Variants in CDKAL1 observed in about 807,000 individuals in gnomAD.
CDKAL1 encodes the protein CDKAL1 threonylcarbamoyladenosine tRNA methylthiotransferase.
Under a neutral mutation model 68.2 loss-of-function variants are expected in CDKAL1, and 32 were observed. The observed-to-expected ratio is 0.47, with a 90% confidence interval of 0.35 to 0.63. The LOEUF is 0.63. Among genes scored for constraint, CDKAL1 ranks in the 30% least tolerant of loss-of-function variants. The pLI is 0.00. For synonymous variants in CDKAL1, 234 were observed against 244.3 expected, an observed-to-expected ratio of 0.96 and a Z score of 0.39; for missense variants, 606 against 696.7, an observed-to-expected ratio of 0.87 and a Z score of 1.47.
chr6:20,800,821 C>T (rs997633656), intron 8 of CDKAL1: 4 of 152,490 alleles, frequency 2.6e-5, no homozygotes, highest in African/African-American at 9.6e-5. Flanking sequence ...GCTATGTTGC[C>T]CAGCTTGGTC....
chr6:21,007,083 A>G (rs1350017503), intron 11 of CDKAL1, among the ~76,000 whole-genome samples: 2 of 152,134 alleles, frequency 1.3e-5, no homozygotes, highest in Non-Finnish European at 2.9e-5. Flanking sequence ...AGCAAAGTAC[A>G]TAGGGTTAGT....
chr6:20,616,841 A>ACC (rs1257478311), intron 4 of CDKAL1, among the ~76,000 whole-genome samples: 1 of 129,778 alleles, frequency 7.7e-6, no homozygotes, highest in Non-Finnish European at 1.6e-5. Context: ...CGACTCTACC[A>ACC]CACACACACA....
chr6:20,676,463 C>T (rs1019700959), intron 5 of CDKAL1, among the ~76,000 whole-genome samples: 4 of 151,948 alleles, frequency 2.6e-5, no homozygotes, highest in Non-Finnish European at 4.4e-5. Flanking sequence ...GTCAGGAGAT[C>T]GAGACCATCC....
intron 9 of CDKAL1, among the ~76,000 whole-genome samples, chr6:20,864,441 C>T (rs1334304219): frequency 6.6e-6 from 1 of 152,060 alleles, no homozygotes; most frequent in Non-Finnish European, 1.5e-5. Context: ...AAACATTTGT[C>T]AAGTGCCTAT....
At chr6:20,913,535 C>A (rs955839357) in intron 9 of CDKAL1, among the ~76,000 whole-genome samples, 4 of 152,210 alleles carry the variant, frequency 2.6e-5, no homozygotes, top group Non-Finnish European at 1.5e-5. Context: ...GTGGAAAACA[C>A]ACCCCACTTC....
Position 20,927,479 on chromosome 6 carries a change from T to C in CDKAL1, c.743-27940T>C, listed in dbSNP as rs149945418. Among the ~76,000 whole-genome samples the C allele has an allele frequency of 3.0e-3, 457 of 152,352 alleles. 2 individuals are homozygous for C. Among genetic ancestry groups the C allele is most frequent in the African/African-American group, 0.01 (431 of 41,588 alleles). The stretch of plus-strand genomic sequence containing the variant: ...CAAAACCGTTTACAGTTGTATTGCC[T>C]ATTAATAATGCAATAGGAGTACACC... On this transcript the variant is annotated intron_variant, in intron 9 of 15. Transcript: ENST00000274695.
rs1248854442 is a variant in CDKAL1 at position 20,992,201 on chromosome 6, T to C, written c.910-8026T>C. Among the ~76,000 whole-genome samples the C allele has an allele frequency of 2.1e-5, 3 of 142,466 alleles. 1 individual carries two copies. Among genetic ancestry groups the C allele is most frequent in the African/African-American group, 8.3e-5 (3 of 36,194 alleles). 93.5% of individuals were successfully genotyped at this position (142,466 alleles called of 152,430 possible). A position where few individuals can be genotyped will look rare whatever the true frequency, so the allele number is the denominator to read the frequency against. ...CGTGACCATAGTCAGCTTTTTTATA[T>C]ATATATATATGTATTTTGTATTATA... is the stretch of plus-strand genomic sequence containing the variant. On this transcript the variant is annotated intron_variant, in intron 10 of 15. Transcript: ENST00000274695.
chr6:20,671,753 G>T (rs1383196457), intron 5 of CDKAL1, among the ~76,000 whole-genome samples: 1 of 151,568 alleles, frequency 6.6e-6, no homozygotes, highest in South Asian at 2.1e-4. Context: ...TTAGTGATGG[G>T]GTCTCGTTAT....
intron 10 of CDKAL1, among the ~76,000 whole-genome samples, chr6:20,963,334 T>G (rs1765148600): frequency 6.6e-6 from 1 of 151,868 alleles, no homozygotes; most frequent in African/African-American, 2.4e-5. Flanking sequence ...CTTGCATCTC[T>G]GCCCATACCT....
chr6:20,766,014 A>T (rs1774687449), intron 7 of CDKAL1, among the ~76,000 whole-genome samples: 1 of 152,206 alleles, frequency 6.6e-6, no homozygotes, highest in Non-Finnish European at 1.5e-5. Flanking sequence ...ACATTTATCA[A>T]GTATTTTTAG....
At chr6:20,860,931 C>CTTTT (rs1354222916) in intron 9 of CDKAL1, among the ~76,000 whole-genome samples, 1 of 94,284 alleles carries the variant, frequency 1.1e-5, no homozygotes, top group African/African-American at 3.9e-5. Context: ...GTAGTGTGGT[C>CTTTT]TATTTTTTTT....
chr6:20,674,628 A>G (rs1381540140), intron 5 of CDKAL1, among the ~76,000 whole-genome samples: 5 of 152,152 alleles, frequency 3.3e-5, no homozygotes, highest in Admixed American at 6.5e-5. Flanking sequence ...AAAATATACA[A>G]TAGATTAGTG....
intron 9 of CDKAL1, among the ~76,000 whole-genome samples, chr6:20,875,857 G>A (rs1760486957): frequency 6.6e-6 from 1 of 152,098 alleles, no homozygotes; most frequent in African/African-American, 2.4e-5. Flanking sequence ...TCCTGACTCT[G>A]TGTGTGATTT....
chr6:20,727,872 G>A (rs78364396), intron 5 of CDKAL1, among the ~76,000 whole-genome samples: 2,266 of 152,256 alleles, frequency 0.015, 63 homozygotes, highest in African/African-American at 0.051. Context: ...CCTGCAATGA[G>A]TTCTGTCCTA....
intron 9 of CDKAL1, among the ~76,000 whole-genome samples, chr6:20,855,271 C>T (rs1420834953): frequency 6.6e-6 from 1 of 151,560 alleles, no homozygotes; most frequent in Non-Finnish European, 1.5e-5. Context: ...GGCGAAAACC[C>T]ATCTCTACTA....
At chr6:21,129,085 A>T (rs1775157808) in intron 13 of CDKAL1, among the ~76,000 whole-genome samples, 1 of 152,250 alleles carries the variant, frequency 6.6e-6, no homozygotes, top group Non-Finnish European at 1.5e-5. Flanking sequence ...TATTATAAGG[A>T]TTAAACAAGA....
At chr6:20,912,358 T>C (rs1270406574) in intron 9 of CDKAL1, among the ~76,000 whole-genome samples, 1 of 152,144 alleles carries the variant, frequency 6.6e-6, no homozygotes, top group Non-Finnish European at 1.5e-5. Context: ...GCCAAGACTC[T>C]CTTGAAATGA....
At chr6:20,995,320 C>T (rs1473609110) in intron 10 of CDKAL1, among the ~76,000 whole-genome samples, 3 of 152,166 alleles carry the variant, frequency 2.0e-5, no homozygotes, top group African/African-American at 4.8e-5. Flanking sequence ...TCTGGAATGA[C>T]GAGTCCTTTC....
intron 5 of CDKAL1, among the ~76,000 whole-genome samples, chr6:20,666,639 G>A (rs1208222421): frequency 2.6e-5 from 4 of 151,368 alleles, no homozygotes; most frequent in South Asian, 2.1e-4. Context: ...AGATTTGCCC[G>A]GCTGAGAAGC....
Sources: allele counts gnomAD v4.1 joint callset (sites outside exome capture counted in the v4.1 genomes callset), GRCh38; gene constraint gnomAD v4.1.1; transcripts MANE v1.5; gene names NCBI Gene and HGNC (gene_info 2026-07-23, HGNC 2026-07-21).